Variants in LDLRAD3 observed in about 807,000 individuals in gnomAD.
LDLRAD3 encodes the protein low density lipoprotein receptor class A domain containing 3, also known as low-density lipoprotein receptor class A domain-containing protein 3.
LDLRAD3 carries 20 observed loss-of-function variants against 29.4 expected under a neutral mutation model. The ratio of observed to expected loss-of-function variants is 0.68; its 90% CI spans 0.48 to 0.99. The LOEUF is 0.99. LDLRAD3 is among the 50% of genes least tolerant of loss of function. LDLRAD3 has a pLI of 0.00. For missense variants in LDLRAD3, 420 were observed against 454.3 expected (o/e 0.92, Z 0.69); for synonymous variants, 157 against 192.7 (o/e 0.81, Z 1.53).
intron 4 of LDLRAD3, among the ~76,000 whole-genome samples, chr11:36,153,926 A>G (rs566281974): frequency 1.3e-5 from 2 of 152,204 alleles, no homozygotes; most frequent in South Asian, 4.2e-4. Context: ...CACCTCTCCA[A>G]CAGTTCAAGG....
intron 1 of LDLRAD3, among the ~76,000 whole-genome samples, chr11:36,029,159 C>T (rs994591090): frequency 2.6e-5 from 4 of 152,114 alleles, no homozygotes; most frequent in African/African-American, 4.8e-5. Context: ...ACAGAAGAAT[C>T]GCTTGAACCC....
Position 36,030,800 on chromosome 11 carries a change from C to T in LDLRAD3, c.47-5303C>T, listed in dbSNP as rs184713089. Among the ~76,000 whole-genome samples, 11 of 152,298 alleles carry T rather than the reference C, an allele frequency of 7.2e-5. No individual in the cohort carries two copies. In the East Asian group the frequency reaches 1.7e-3, roughly 24 times the overall value. On this transcript the variant is annotated intron_variant, in intron 1 of 5. Coordinates refer to ENST00000315571, the MANE Select transcript of LDLRAD3 (RefSeq NM_174902.4). ...ATGTCAGTTCTAGATTGCATCATGA[C>T]AAGGGGTCCCCCTAGGGCAGGAAGA... is the stretch of plus-strand genomic sequence containing the variant.
intron 2 of LDLRAD3, among the ~76,000 whole-genome samples, chr11:36,052,967 GA>G (rs1203115454): frequency 3.9e-5 from 2 of 51,334 alleles, no homozygotes; most frequent in African/African-American, 1.9e-4. Context: ...TTTGAGGTCT[GA>G]TTTTTTTTTT....
chr11:36,193,208 A>G (rs1333102636), intron 4 of LDLRAD3, among the ~76,000 whole-genome samples: 1 of 152,176 alleles, frequency 6.6e-6, no homozygotes, highest in Non-Finnish European at 1.5e-5. Flanking sequence ...GAGCCAATGT[A>G]TACAAATTGC....
intron 1 of LDLRAD3, among the ~76,000 whole-genome samples, chr11:36,005,369 A>G (rs1851871111): frequency 6.6e-6 from 1 of 152,254 alleles, no homozygotes; most frequent in South Asian, 2.1e-4. Context: ...TCTCTAGGGC[A>G]GGGGCAGAAT....
intron 4 of LDLRAD3, among the ~76,000 whole-genome samples, chr11:36,131,172 T>C (rs1306505441): frequency 6.6e-6 from 1 of 152,218 alleles, no homozygotes; most frequent in Non-Finnish European, 1.5e-5. Context: ...CTTGAGAGGC[T>C]TTCCCTGTTC....
chr11:36,159,328 G>T (rs946469940), intron 4 of LDLRAD3, among the ~76,000 whole-genome samples: 1 of 151,768 alleles, frequency 6.6e-6, no homozygotes, highest in African/African-American at 2.4e-5. Flanking sequence ...AACTTGCTGG[G>T]TATGGTGGTG....
At chr11:36,024,008 C>T (rs1348663966) in intron 1 of LDLRAD3, among the ~76,000 whole-genome samples, 1 of 152,162 alleles carries the variant, frequency 6.6e-6, no homozygotes, top group Non-Finnish European at 1.5e-5. Flanking sequence ...TTAACTGTGT[C>T]CTTAAAACCT....
At position 35,986,560 on chromosome 11, in the gene LDLRAD3, G is replaced by A. The variant is rs115645446; in HGVS notation, c.46+42416G>A. On this transcript the variant is annotated intron_variant, in intron 1 of 5. Coordinates refer to ENST00000315571, the MANE Select transcript of LDLRAD3 (RefSeq NM_174902.4). ...ATAGAAGCCTATTTTTCACACAAAA[G>A]CCCCTGCAGATTGGATGGCAGTAGT... is the stretch of plus-strand genomic sequence containing the variant. 7.0e-3 allele frequency among the ~76,000 whole-genome samples: 1,072 copies of A among 152,260 alleles called. 15 individuals carry two copies. The highest frequency in any genetic ancestry group is 0.024 in the African/African-American group (982 of 41,544).
At position 35,959,991 on chromosome 11, in the gene LDLRAD3, C is replaced by T. The variant is rs1188829513; in HGVS notation, c.46+15847C>T. ...TCAAAGACTTTGCCTCATCCCATTA[C>T]TCTCTCTTGGCCCAGAGGTCATCAC... is the stretch of plus-strand genomic sequence containing the variant. On this transcript the variant is annotated intron_variant, in intron 1 of 5. Coordinates refer to ENST00000315571, the MANE Select transcript of LDLRAD3 (RefSeq NM_174902.4). Among the ~76,000 whole-genome samples, 3 of 152,096 alleles carry T rather than the reference C, an allele frequency of 2.0e-5. 1 individual carries two copies. Among genetic ancestry groups the T allele is most frequent in the Non-Finnish European group, 4.4e-5 (3 of 68,022 alleles).
intron 3 of LDLRAD3, among the ~76,000 whole-genome samples, chr11:36,082,810 C>A (rs1447386976): frequency 6.6e-6 from 1 of 152,212 alleles, no homozygotes; most frequent in African/African-American, 2.4e-5. Context: ...ACAGCAGCCT[C>A]AGTGACCTTC....
At chr11:35,957,646 A>C (rs1009554520) in intron 1 of LDLRAD3, among the ~76,000 whole-genome samples, 20 of 152,150 alleles carry the variant, frequency 1.3e-4, no homozygotes, top group African/African-American at 4.8e-4. Context: ...CTAAAAATAC[A>C]AAAATTAGCC....
At chr11:36,092,237 C>T (rs952579723) in intron 3 of LDLRAD3, among the ~76,000 whole-genome samples, 11 of 152,078 alleles carry the variant, frequency 7.2e-5, no homozygotes, top group Admixed American at 2.6e-4. Context: ...CTTTTTAGAA[C>T]CTTCTAGTCT....
chr11:36,188,140 A>C (rs931460395), intron 4 of LDLRAD3, among the ~76,000 whole-genome samples: 5 of 152,032 alleles, frequency 3.3e-5, no homozygotes, highest in African/African-American at 1.2e-4. Context: ...CATCGAGAAG[A>C]GATTGGTCAC....
intron 2 of LDLRAD3, among the ~76,000 whole-genome samples, chr11:36,053,153 G>T (rs1032552574): frequency 1.3e-5 from 2 of 152,092 alleles, no homozygotes; most frequent in Non-Finnish European, 2.9e-5. Context: ...TATCTATTGG[G>T]CTTGAGATTT....
intron 4 of LDLRAD3, among the ~76,000 whole-genome samples, chr11:36,120,617 A>C: frequency 6.6e-6 from 1 of 152,142 alleles, no homozygotes; most frequent in East Asian, 1.9e-4. Flanking sequence ...GGCATTAGTT[A>C]ATTTGCCCTG....
intron 3 of LDLRAD3, among the ~76,000 whole-genome samples, chr11:36,086,091 T>G (rs1204579110): frequency 6.6e-6 from 1 of 152,238 alleles, no homozygotes; most frequent in Non-Finnish European, 1.5e-5. Context: ...TATCTTTCTG[T>G]TCTAAAATTT....
chr11:36,159,852 G>T (rs577066265), intron 4 of LDLRAD3, among the ~76,000 whole-genome samples: 1 of 152,160 alleles, frequency 6.6e-6, no homozygotes, highest in Non-Finnish European at 1.5e-5. Flanking sequence ...CCCTACCCTG[G>T]AGGGCCAGGA....
At chr11:36,075,889 G>A (rs1468207536) in intron 2 of LDLRAD3, among the ~76,000 whole-genome samples, 1 of 152,148 alleles carries the variant, frequency 6.6e-6, no homozygotes, top group Non-Finnish European at 1.5e-5. Context: ...TGGCTATTGG[G>A]AACTTCAGGT....
Sources: allele counts gnomAD v4.1 joint callset (sites outside exome capture counted in the v4.1 genomes callset), GRCh38; gene constraint gnomAD v4.1.1; transcripts MANE v1.5; gene names NCBI Gene and HGNC (gene_info 2026-07-23, HGNC 2026-07-21).